Variants in ATG10 observed in about 807,000 individuals in gnomAD.
ATG10 encodes autophagy related 10, also known as ubiquitin-like-conjugating enzyme ATG10.
Under a neutral mutation model 32.1 loss-of-function variants are expected in ATG10, and 30 were observed. The observed-to-expected ratio is 0.94, with a 90% CI of 0.70 to 1.27. ATG10 has a LOEUF of 1.27. ATG10 is among the 50% of genes most tolerant of loss of function. The probability of loss-of-function intolerance (pLI) is 0.00; values close to 1 mark genes in which losing one functional copy is unlikely to be tolerated. For missense variants in ATG10, 233 were observed against 262.3 expected (o/e 0.89, Z 0.77); for synonymous variants, 87 against 91.5 (o/e 0.95, Z 0.28).
At chr5:82,068,495 T>C (rs191931956) in intron 3 of ATG10, among the ~76,000 whole-genome samples, 14 of 151,936 alleles carry the variant, frequency 9.2e-5, no homozygotes, top group Admixed American at 7.9e-4. Context: ...CATGTATAAC[T>C]GTGTAACAAA....
At position 82,032,517 on chromosome 5, in the gene ATG10, T is replaced by A. The variant is rs1762771816; in HGVS notation, c.109-25978T>A. Among the ~76,000 whole-genome samples the A allele has an allele frequency of 3.3e-5, 5 of 152,110 alleles. No homozygotes were observed. The South Asian group carries it at 1.0e-3, about 31-fold the overall frequency. On this transcript the variant is annotated intron_variant, in intron 2 of 7. Transcript: ENST00000282185. ...TTTCCTCTCTCAATTAAAAAAAGGT[T>A]AAAAATTTCATAAGGAAAGCACATA...
At chr5:82,196,771 C>T (rs1744865893) in intron 5 of ATG10, among the ~76,000 whole-genome samples, 1 of 152,146 alleles carries the variant, frequency 6.6e-6, no homozygotes. Context: ...GTCAGCGTCA[C>T]ACTGTCTTGT....
chr5:82,058,738 C>T, intron 3 of ATG10, 136 bp downstream of exon 3: 2 of 548,792 alleles, frequency 3.6e-6, no homozygotes, highest in South Asian at 3.4e-5. Flanking sequence ...AAATAAAATA[C>T]TTTAATTCTG....
intron 5 of ATG10, among the ~76,000 whole-genome samples, chr5:82,210,785 T>G (rs2149978300): frequency 6.6e-6 from 1 of 152,198 alleles, no homozygotes; most frequent in Non-Finnish European, 1.5e-5. Context: ...GAGTTTCTAC[T>G]AAAGAGGGCT....
At chr5:82,135,830 C>G (rs186552015) in intron 3 of ATG10, among the ~76,000 whole-genome samples, 1 of 152,048 alleles carries the variant, frequency 6.6e-6, no homozygotes, top group East Asian at 1.9e-4. Context: ...GTTAAAGTCT[C>G]CCACTATTAT....
intron 2 of ATG10, among the ~76,000 whole-genome samples, chr5:81,989,630 G>A (rs191347205): frequency 6.7e-6 from 1 of 150,344 alleles, no homozygotes; most frequent in African/African-American, 2.4e-5. Context: ...GACGAGTCTC[G>A]CTCTGTCGCC....
intron 2 of ATG10, among the ~76,000 whole-genome samples, chr5:81,991,364 A>C (rs942845737): frequency 6.6e-6 from 1 of 152,196 alleles, no homozygotes; most frequent in African/African-American, 2.4e-5. Context: ...CATACAATAA[A>C]CTACATATAT....
rs1030372216 is a variant in ATG10 at position 82,205,956 on chromosome 5, G to C, written c.453+27369G>C. ...AATAGAACCTAAGTTTAATAAGGAA[G>C]AGAGAAAGAGAGCTATAGAAAAAGG... On this transcript the variant is annotated intron_variant, in intron 5 of 7. Coordinates refer to ENST00000282185, the MANE Select transcript of ATG10 (RefSeq NM_031482.5). Among the ~76,000 whole-genome samples the C allele has an allele frequency of 5.3e-5, 8 of 152,306 alleles. No homozygotes were observed. In the South Asian group the frequency reaches 1.0e-3, roughly 20 times the overall value.
intron 3 of ATG10, among the ~76,000 whole-genome samples, chr5:82,061,150 G>A (rs1161601091): frequency 6.6e-6 from 1 of 151,958 alleles, no homozygotes; most frequent in African/African-American, 2.4e-5. Context: ...TTTTTCCCAG[G>A]TAAGAGCAGA....
At chr5:82,252,821 A>G (rs1747321557) in intron 6 of ATG10, 162 bp downstream of exon 6, 6 of 569,486 alleles carry the variant, frequency 1.1e-5, no homozygotes, top group South Asian at 4.9e-5. Context: ...AGAGTTTTAG[A>G]TACAGTAAGA....
At chr5:82,244,545 T>C (rs1484518736) in intron 5 of ATG10, among the ~76,000 whole-genome samples, 1 of 152,144 alleles carries the variant, frequency 6.6e-6, no homozygotes, top group Non-Finnish European at 1.5e-5. Flanking sequence ...GGGGTTAGCA[T>C]GAGGGAGATA....
intron 4 of ATG10, among the ~76,000 whole-genome samples, chr5:82,167,153 TA>T (rs1447964791): frequency 6.6e-6 from 1 of 152,236 alleles, no homozygotes; most frequent in Non-Finnish European, 1.5e-5. Context: ...AAGACTCAGT[TA>T]ACATGCCATC....
intron 3 of ATG10, among the ~76,000 whole-genome samples, chr5:82,095,313 T>C (rs1765019857): frequency 6.6e-6 from 1 of 152,126 alleles, no homozygotes; most frequent in Non-Finnish European, 1.5e-5. Context: ...TTAATAGTTT[T>C]AAAGTAATTA....
intron 5 of ATG10, among the ~76,000 whole-genome samples, chr5:82,188,714 T>C (rs1744547716): frequency 6.6e-6 from 1 of 151,684 alleles, no homozygotes; most frequent in South Asian, 2.1e-4. Flanking sequence ...GGAGGGGAAA[T>C]GGAACACAGG....
At chr5:82,205,627 G>A (rs1745259151) in intron 5 of ATG10, among the ~76,000 whole-genome samples, 1 of 152,202 alleles carries the variant, frequency 6.6e-6, no homozygotes, top group Non-Finnish European at 1.5e-5. Flanking sequence ...TATTTTCTGT[G>A]AAATTGGACA....
chr5:82,153,885 C>T lies in ATG10; in HGVS notation c.217-10514C>T, dbSNP rs908737102. On this transcript the variant is annotated intron_variant, in intron 3 of 7. Coordinates refer to ENST00000282185, the MANE Select transcript of ATG10 (RefSeq NM_031482.5). The stretch of plus-strand genomic sequence containing the variant: ...GCCCCAGGACAGTGTCTAGAGCAGA[C>T]GATGGCAACTGTGGCCTGCTGCCTA... Among the ~76,000 whole-genome samples, 16 of 149,486 alleles carry T rather than the reference C, an allele frequency of 1.1e-4. 1 individual carries two copies. The highest frequency in any genetic ancestry group is 2.7e-4 in the Admixed American group (4 of 14,812).
At chr5:82,081,363 C>T (rs1156996884) in intron 3 of ATG10, among the ~76,000 whole-genome samples, 1 of 152,192 alleles carries the variant, frequency 6.6e-6, no homozygotes, top group African/African-American at 2.4e-5. Context: ...TTTCTCTTGC[C>T]TGATTGCCCT....
chr5:82,038,214 T>C (rs1446758370), intron 2 of ATG10, among the ~76,000 whole-genome samples: 1 of 152,164 alleles, frequency 6.6e-6, no homozygotes, highest in Non-Finnish European at 1.5e-5. Flanking sequence ...TAAATATGTG[T>C]TATTGAGTCC....
chr5:82,154,223 C>T (rs1767724526), intron 3 of ATG10, among the ~76,000 whole-genome samples: 1 of 152,150 alleles, frequency 6.6e-6, no homozygotes, highest in African/African-American at 2.4e-5. Context: ...CAAACCCACA[C>T]TCATTAATTT....
Sources: gnomAD v4.1 joint callset for allele counts (sites outside exome capture counted in the v4.1 genomes callset) on GRCh38, gnomAD v4.1.1 for gene constraint, MANE v1.5 for transcripts, NCBI Gene and HGNC (gene_info 2026-07-23, HGNC 2026-07-21) for gene names.